RBFOX1: variants seen among roughly 807,000 people sequenced by gnomAD.
RBFOX1 encodes the protein RNA binding protein fox-1 homolog 1.
Under a neutral mutation model 57.7 loss-of-function variants are expected in RBFOX1, and 8 were observed. The ratio of observed to expected loss-of-function variants is 0.14; its 90% CI spans 0.08 to 0.25. RBFOX1 has a LOEUF of 0.25. RBFOX1 is among the 10% of genes least tolerant of loss of function. The pLI is 1.00. For synonymous variants in RBFOX1, 326 were observed against 222.4 expected (o/e 1.47, Z -4.15); for missense variants, 611 against 548.5 (o/e 1.11, Z -1.14).
intron 4 of RBFOX1, among the ~76,000 whole-genome samples, chr16:7,185,678 C>T (rs1430311887): frequency 6.6e-6 from 1 of 152,120 alleles, no homozygotes; most frequent in Non-Finnish European, 1.5e-5. Flanking sequence ...CCTAGTTATG[C>T]GGTTTATCTT....
In RBFOX1 at chr16:5,652,303, G is replaced by C. The variant is rs58641377; in HGVS notation, c.318+53342G>C. ...GCTGCTATCATCAAACCATGTTACA[G>C]ATGGGAAAGCTGAAGCTCACTAAGG... On this transcript the variant is annotated intron_variant, in intron 3 of 19. Coordinates refer to the RBFOX1 transcript ENST00000641259. 5.7e-3 allele frequency among the ~76,000 whole-genome samples: 867 copies of C among 152,282 alleles called. 7 individuals carry two copies. Among genetic ancestry groups the C allele is most frequent in the African/African-American group, 0.02 (836 of 41,542 alleles).
intron 4 of RBFOX1, among the ~76,000 whole-genome samples, chr16:7,493,234 AAC>A (rs35564765): frequency 0.026 from 3,985 of 152,266 alleles, 150 homozygotes; most frequent in African/African-American, 0.091. Context: ...AGAACAGACT[AAC>A]ACACTCAGTC....
chr16:5,291,016 C>G (rs961752270), intron 1 of RBFOX1, among the ~76,000 whole-genome samples: 10 of 152,078 alleles, frequency 6.6e-5, no homozygotes, highest in Non-Finnish European at 1.5e-4. Context: ...AAGGGACTTT[C>G]AAGAAGTTTG....
chr16:5,568,214 G>C (rs1407362734), intron 2 of RBFOX1, among the ~76,000 whole-genome samples: 1 of 152,180 alleles, frequency 6.6e-6, no homozygotes, highest in Non-Finnish European at 1.5e-5. Flanking sequence ...CTGCACTTCA[G>C]GTTGCAGCGT....
intron 1 of RBFOX1, among the ~76,000 whole-genome samples, chr16:5,255,359 T>C (rs4499234): frequency 0.32 from 46,006 of 145,846 alleles, 7,544 homozygotes; most frequent in South Asian, 0.42. Context: ...CATCCCTCCA[T>C]CCATCCATCC....
At chr16:7,091,895 C>T (rs17142187) in intron 4 of RBFOX1, among the ~76,000 whole-genome samples, 4,203 of 152,266 alleles carry the variant, frequency 0.028, 205 homozygotes, top group African/African-American at 0.096. Context: ...GCTTTATTGT[C>T]TTGGATCATC....
chr16:7,038,506 A>G (rs1462368158), intron 3 of RBFOX1, among the ~76,000 whole-genome samples: 1 of 152,222 alleles, frequency 6.6e-6, no homozygotes, highest in Non-Finnish European at 1.5e-5. Flanking sequence ...AGAATAAATA[A>G]TAGGCAATAT....
intron 14 of RBFOX1, among the ~76,000 whole-genome samples, chr16:7,703,229 C>G (rs907288192): frequency 2.6e-5 from 4 of 152,186 alleles, no homozygotes; most frequent in African/African-American, 4.8e-5. Context: ...ACTGTAGTCC[C>G]TAATTGCATT....
chr16:6,522,483 TAGAC>T (rs1398822754), intron 2 of RBFOX1, among the ~76,000 whole-genome samples: 12 of 152,160 alleles, frequency 7.9e-5, no homozygotes, highest in African/African-American at 2.9e-4. Context: ...TCAATGAAAT[TAGAC>T]AGTTAAAAGA....
At chr16:5,581,505 A>G (rs1280271223) in intron 2 of RBFOX1, among the ~76,000 whole-genome samples, 1 of 152,238 alleles carries the variant, frequency 6.6e-6, no homozygotes, top group African/African-American at 2.4e-5. Flanking sequence ...ATGTATACAC[A>G]AGTAACTAAT....
At chr16:6,145,768 G>A (rs1410299848) in intron 1 of RBFOX1, among the ~76,000 whole-genome samples, 1 of 152,024 alleles carries the variant, frequency 6.6e-6, no homozygotes, top group East Asian at 1.9e-4. Flanking sequence ...TTTAAAAATA[G>A]ACTAATCACA....
intron 3 of RBFOX1, among the ~76,000 whole-genome samples, chr16:5,759,423 C>T (rs1458726510): frequency 1.3e-5 from 2 of 152,216 alleles, no homozygotes; most frequent in South Asian, 2.1e-4. Flanking sequence ...TCTCATTTGC[C>T]TCCTCACATC....
intron 4 of RBFOX1, among the ~76,000 whole-genome samples, chr16:7,459,797 C>G (rs2059210089): frequency 6.6e-6 from 1 of 152,066 alleles, no homozygotes; most frequent in Non-Finnish European, 1.5e-5. Context: ...AACTTTTATT[C>G]TGGTCCATCT....
At chr16:7,229,684 GAC>G (rs2093368583) in intron 4 of RBFOX1, among the ~76,000 whole-genome samples, 1 of 79,430 alleles carries the variant, frequency 1.3e-5, no homozygotes, top group Non-Finnish European at 2.9e-5. Context: ...AAGGGAGAGA[GAC>G]GAAGGAAGAG....
intron 3 of RBFOX1, among the ~76,000 whole-genome samples, chr16:6,826,642 C>G (rs983532862): frequency 6.6e-6 from 1 of 151,940 alleles, no homozygotes; most frequent in East Asian, 1.9e-4. Flanking sequence ...TTTTAAAAAC[C>G]TTCCTTTTTT....
At chr16:7,444,593 C>T (rs116246042) in intron 4 of RBFOX1, among the ~76,000 whole-genome samples, 5,718 of 152,052 alleles carry the variant, frequency 0.038, 365 homozygotes, top group African/African-American at 0.13. Context: ...ACTGCAGTGG[C>T]ATGATCCTAG....
chr16:7,436,301 C>G (rs2098720820), intron 4 of RBFOX1, among the ~76,000 whole-genome samples: 1 of 152,060 alleles, frequency 6.6e-6, no homozygotes, highest in Non-Finnish European at 1.5e-5. Flanking sequence ...GTTGGTTTTC[C>G]CATCCTCTTT....
intron 1 of RBFOX1, among the ~76,000 whole-genome samples, chr16:5,451,703 G>C (rs971385126): frequency 2.6e-5 from 4 of 152,232 alleles, no homozygotes; most frequent in Non-Finnish European, 5.9e-5. Context: ...TGGTTTTAAT[G>C]ATAGGCAGTG....
At chr16:6,786,184 G>T (rs1023614557) in intron 3 of RBFOX1, among the ~76,000 whole-genome samples, 3 of 152,170 alleles carry the variant, frequency 2.0e-5, no homozygotes, top group Non-Finnish European at 2.9e-5. Context: ...CCATGACCCT[G>T]TTGACTCCTC....
Sources: allele counts gnomAD v4.1 joint callset (sites outside exome capture counted in the v4.1 genomes callset), GRCh38; gene constraint gnomAD v4.1.1; transcripts MANE v1.5; gene names NCBI Gene and HGNC (gene_info 2026-07-23, HGNC 2026-07-21).